Variants in ERCC1 observed in about 807,000 individuals in gnomAD.
ERCC1 encodes the protein ERCC excision repair 1, endonuclease non-catalytic subunit, also known as DNA excision repair protein ERCC-1.
A neutral mutation model predicts 37.6 loss-of-function variants in ERCC1; 36 were observed. The observed-to-expected ratio is 0.96, with a 90% CI of 0.73 to 1.26. The LOEUF (loss-of-function observed/expected upper bound fraction) is 1.26. ERCC1 is among the 50% of genes most tolerant of loss of function. The pLI, the probability that ERCC1 is intolerant of heterozygous loss-of-function variation, is 0.00. For missense variants in ERCC1, 349 were observed against 376.5 expected (o/e 0.93, Z 0.60); for synonymous variants, 156 against 162.1 (o/e 0.96, Z 0.28).
In ERCC1 at chr19:45,407,540, A is replaced by G; in HGVS notation, c.*2135T>C. The stretch of plus-strand genomic sequence containing the variant: ...TCCACGACCATTAATCCTGCAACCT[A>G]AGCTTGCTCATTTATGTTATATTTA... On this transcript the variant is annotated 3_prime_UTR_variant, in exon 10 of 10. Coordinates refer to ENST00000300853, the MANE Select transcript of ERCC1 (RefSeq NM_001983.4). 2.9e-6 allele frequency: 1 copy of G among 346,884 alleles called. No homozygotes were observed. Among genetic ancestry groups the G allele is most frequent in the Non-Finnish European group, 5.2e-6 (1 of 193,402 alleles). The allele number at this position is 346,884 out of a possible 1,614,324, so 21.5% of individuals were successfully genotyped here. A position where few individuals can be genotyped will look rare whatever the true frequency, so the allele number is the denominator to read the frequency against.
intron 9 of ERCC1, chr19:45,410,233 G>C (rs1973632273): frequency 6.6e-6 from 1 of 152,438 alleles, no homozygotes; most frequent in Non-Finnish European, 1.5e-5. Flanking sequence ...ACCCAGGCTG[G>C]AGTGCAGTGG....
At chr19:45,413,461 T>C (rs1379254938) in intron 9 of ERCC1, 7 of 922,716 alleles carry the variant, frequency 7.6e-6, no homozygotes, top group Non-Finnish European at 1.2e-5. Flanking sequence ...TTATTTTTAG[T>C]AAAAATGAGG....
At chr19:45,430,781 G>A (rs1208353577) in intron 1 of ERCC1, among the ~76,000 whole-genome samples, 1 of 152,054 alleles carries the variant, frequency 6.6e-6, no homozygotes, top group Non-Finnish European at 1.5e-5. Context: ...GCAGGGCATG[G>A]TGGTGGGTGC....
rs370420200 is a variant in ERCC1 at position 45,431,933 on chromosome 19, TG to T, written c.-7-8553del. Among the ~76,000 whole-genome samples the T allele has an allele frequency of 4.5e-4, 69 of 152,270 alleles. 1 individual carries two copies. Among genetic ancestry groups the T allele is most frequent in the African/African-American group, 1.6e-3 (67 of 41,576 alleles). ...ATTTTGGAAAACATGGTTATTTTCA[TG>T]TAAAAGATATAACTTACATTAACAT... On this transcript the variant is annotated intron_variant, in intron 1 of 8. Transcript: ENST00000423698.
At chr19:45,413,348 C>G (rs1220918277) in intron 9 of ERCC1, 1 of 580,476 alleles carries the variant, frequency 1.7e-6, no homozygotes, top group African/African-American at 1.9e-5. Context: ...CTCACTGCAG[C>G]CTCAACCTCC....
chr19:45,415,402 T>C (rs3212973), intron 6 of ERCC1, among the ~76,000 whole-genome samples: 77,228 of 148,582 alleles, frequency 0.52, 22,210 homozygotes, highest in African/African-American at 0.75. Context: ...TTTGGGAGGC[T>C]GAGGTGAGCA....
At chr19:45,428,723 C>G (rs1021624699), upstream of ERCC1, among the ~76,000 whole-genome samples, 2 of 152,202 alleles carry the variant, frequency 1.3e-5, no homozygotes, top group Non-Finnish European at 2.9e-5. Context: ...GAGAGCAGCC[C>G]GGCCGAAGGC....
upstream of ERCC1, among the ~76,000 whole-genome samples, chr19:45,425,598 G>C (rs1303837864): frequency 6.6e-6 from 1 of 151,808 alleles, no homozygotes; most frequent in Admixed American, 6.6e-5. Flanking sequence ...TCGAACTCTT[G>C]ACCTCAAGTG....
intron 1 of ERCC1, 149 bp downstream of exon 1, chr19:45,423,632 G>A (rs1974579305): frequency 1.5e-6 from 2 of 1,333,384 alleles, no homozygotes; most frequent in South Asian, 1.7e-5. Flanking sequence ...TATTGGCTCC[G>A]TCCCCACCAT....
At chr19:45,418,134 G>C (rs1974172344) in intron 5 of ERCC1, among the ~76,000 whole-genome samples, 1 of 152,072 alleles carries the variant, frequency 6.6e-6, no homozygotes, top group South Asian at 2.1e-4. Flanking sequence ...GATCACCTGA[G>C]ATCAGAAGTT....
Position 45,420,256 on chromosome 19 carries a change from T to C in ERCC1, c.425+68A>G. 3 of 1,024,618 alleles carry C rather than the reference T, an allele frequency of 2.9e-6. No homozygotes were observed. The highest frequency in any genetic ancestry group is 1.3e-5 in the South Asian group (1 of 75,184). 63.5% of individuals were successfully genotyped at this position (1,024,618 alleles called of 1,614,324 possible). Reference sequence around the variant, plus strand: ...CTTCTCATAGAACAGTCCAGAACACTGGGACATGACCCTCCCAGGCCAGTG... The same window carrying C: ...CTTCTCATAGAACAGTCCAGAACACCGGGACATGACCCTCCCAGGCCAGTG... On this transcript the variant is annotated intron_variant, in intron 4 of 9. Transcript: ENST00000300853. This position sits in a 1 kb window ranked among gnomAD's most constrained non-coding sequence, Gnocchi z 4.8.
At chr19:45,413,778 G>A (rs759011685) in intron 8 of ERCC1, 33 bp from the exon 9 acceptor site, 16 of 1,611,558 alleles carry the variant, frequency 9.9e-6, no homozygotes, top group Non-Finnish European at 1.2e-5. Flanking sequence ...CAGGGCAGTT[G>A]AGCACAAAAG....
chr19:45,411,255 A>T (rs1973718380), intron 9 of ERCC1, among the ~76,000 whole-genome samples: 1 of 152,248 alleles, frequency 6.6e-6, no homozygotes, highest in Non-Finnish European at 1.5e-5. Flanking sequence ...TGCAACAAAC[A>T]GGAGTGCAGA....
At chr19:45,448,826 A>T (rs1013757595) in intron 1 of ERCC1, among the ~76,000 whole-genome samples, 3 of 152,082 alleles carry the variant, frequency 2.0e-5, no homozygotes, top group Non-Finnish European at 1.5e-5. Flanking sequence ...CTTTTGAAGG[A>T]GACAATACCG....
intron 7 of ERCC1, chr19:45,414,509 G>A (rs1418596442): frequency 2.7e-6 from 1 of 368,120 alleles, no homozygotes; most frequent in East Asian, 6.5e-5. Flanking sequence ...GCAGGTAATT[G>A]GGCAGAGGGA....
chr19:45,450,809 G>C (rs1251170230), intron 1 of ERCC1: 31 of 148,672 alleles, frequency 2.1e-4, no homozygotes, highest in African/African-American at 7.4e-4. Context: ...ATGAACAGTC[G>C]GCCGGCGTTG....
At chr19:45,430,609 CA>C (rs1034993860) in intron 1 of ERCC1, among the ~76,000 whole-genome samples, 5 of 152,072 alleles carry the variant, frequency 3.3e-5, no homozygotes, top group Non-Finnish European at 7.4e-5. Context: ...TGGGGGTCTA[CA>C]AATACAAAAT....
chr19:45,418,729 A>G (rs1439758712), intron 5 of ERCC1, among the ~76,000 whole-genome samples: 2 of 152,106 alleles, frequency 1.3e-5, no homozygotes, highest in Admixed American at 1.3e-4. Flanking sequence ...AGGCTGAGGC[A>G]GGAGAATCGC....
intron 1 of ERCC1, among the ~76,000 whole-genome samples, chr19:45,448,585 C>T (rs1009644541): frequency 1.3e-5 from 2 of 152,036 alleles, no homozygotes; most frequent in African/African-American, 2.4e-5. Flanking sequence ...CAGTTGCTCA[C>T]GCCAGTAATC....
Sources: gnomAD v4.1 joint callset for allele counts (sites outside exome capture counted in the v4.1 genomes callset) on GRCh38, gnomAD v4.1.1 for gene constraint, Gnocchi (gnomAD v3.1) non-coding constraint, MANE v1.5 for transcripts, NCBI Gene and HGNC (gene_info 2026-07-23, HGNC 2026-07-21) for gene names.